ZNF737: variants seen among roughly 807,000 people sequenced by gnomAD.
ZNF737 encodes the protein zinc finger protein 737, also known as zinc finger protein 102 (Y3).
A neutral mutation model predicts 11.7 loss-of-function variants in ZNF737; 13 were observed. The ratio of observed to expected loss-of-function variants is 1.11; its 90% CI spans 0.73 to 1.77. The LOEUF is 1.77. Among genes scored for constraint, ZNF737 ranks in the 40% most tolerant of loss-of-function variants. The pLI is 0.00. For synonymous variants in ZNF737, 217 were observed against 216.2 expected (o/e 1.00, Z -0.03); for missense variants, 636 against 638.0 (o/e 1.00, Z 0.03).
At chr19:20,559,347 G>A (rs1357234307) in intron 1 of ZNF737, among the ~76,000 whole-genome samples, 2 of 151,968 alleles carry the variant, frequency 1.3e-5, no homozygotes, top group East Asian at 1.9e-4. Context: ...AAAACCAAAC[G>A]ACCTCATTAA....
Position 20,559,863 on chromosome 19 carries a change from C to G in ZNF737, c.3+5775G>C, listed in dbSNP as rs116122581. 8.4e-3 allele frequency among the ~76,000 whole-genome samples: 1,276 copies of G among 152,180 alleles called. 17 individuals carry two copies. The highest frequency in any genetic ancestry group is 0.029 in the African/African-American group (1,212 of 41,514). ...GCCCTAAATACCTATCAGTGGTAGA[C>G]TGGGTAAAGAAAATATGGTATGGTC... On this transcript the variant is annotated intron_variant, in intron 1 of 3. Transcript: ENST00000427401.
At chr19:20,531,055 G>A (rs1488979724), downstream of ZNF737, among the ~76,000 whole-genome samples, 983 of 146,582 alleles carry the variant, frequency 6.7e-3, 54 homozygotes, top group African/African-American at 0.024. Flanking sequence ...GCAAAACCCC[G>A]TCTCCACCAA....
chr19:20,530,288 T>C, the ZNF737 span, among the ~76,000 whole-genome samples: 84 of 108,840 alleles, frequency 7.7e-4, no homozygotes, highest in South Asian at 1.1e-3. Flanking sequence ...CCCTCCCGGA[T>C]GGGGCAGCTG....
downstream of ZNF737, chr19:20,535,892 G>T: frequency 5.8e-6 from 1 of 171,020 alleles, no homozygotes; most frequent in Non-Finnish European, 1.2e-5. Flanking sequence ...GAAGCAGATG[G>T]TACAATAATA....
In ZNF737 at chr19:20,548,893, A is replaced by T. The variant is rs551126829; in HGVS notation, c.227-2917T>A. Among the ~76,000 whole-genome samples the T allele has an allele frequency of 2.2e-4, 33 of 147,914 alleles. No homozygotes were observed. The South Asian group carries it at 6.7e-3, about 30-fold the overall frequency. The stretch of plus-strand genomic sequence containing the variant: ...CACCAAGCCTGGCCCTGAAATGCAC[A>T]CTTCAATAGATTTAAGGTGGTAAAT... On this transcript the variant is annotated intron_variant, in intron 3 of 3. Coordinates refer to ENST00000427401, the MANE Select transcript of ZNF737 (RefSeq NM_001159293.2).
Position 20,545,927 on chromosome 19 carries a change from T to G in ZNF737, c.276A>C (p.Lys92Asn), listed in dbSNP as rs188684323. ...TCAGTGTCACTTTTTGGAAAGAATCTTTTATGCTCTGCTCTGGCCAAAGAT... is the reference window on the plus strand; with the variant it reads ...TCAGTGTCACTTTTTGGAAAGAATCGTTTATGCTCTGCTCTGGCCAAAGAT... The part of the protein sequence containing the change: ...ARDLWPEQSI[K>N]DSFQKVTLRR... Residue 92 changes from lysine (K) to asparagine (N), a missense_variant, in exon 4 of 4, where the codon AAA (lysine) becomes AAC (asparagine). Lys to Asn is a moderately conservative substitution (Grantham distance 94). Transcript: ENST00000427401. 480 of 1,590,264 alleles carry G rather than the reference T, an allele frequency of 3.0e-4. 2 individuals carry two copies. The African/African-American group carries it at 5.9e-3, about 20-fold the overall frequency.
chr19:20,543,699 A>G lies in ZNF737; in HGVS notation c.*893T>C, dbSNP rs35269111. The stretch of plus-strand genomic sequence containing the variant: ...ATATAAAGGCTTTGTCACATTTTAT[A>G]TATTTCTAGGGTTTCACACTAGTAT... On this transcript the variant is annotated 3_prime_UTR_variant, in exon 4 of 4. Coordinates refer to ENST00000427401, the MANE Select transcript of ZNF737 (RefSeq NM_001159293.2). The G allele has an allele frequency of 1.5e-3, 1,474 of 985,344 alleles. 4 individuals are homozygous for G. Among genetic ancestry groups the G allele is most frequent in the Non-Finnish European group, 1.7e-3 (1,439 of 829,918 alleles). 61.0% of individuals were successfully genotyped at this position (985,344 alleles called of 1,614,324 possible). A position where few individuals can be genotyped will look rare whatever the true frequency, so the allele number is the denominator to read the frequency against.
chr19:20,547,712 TAAA>T (rs36126400), intron 3 of ZNF737, among the ~76,000 whole-genome samples: 1 of 151,850 alleles, frequency 6.6e-6, no homozygotes, highest in Non-Finnish European at 1.5e-5. Context: ...ATACAGAAAT[TAAA>T]AAAACACACA....
At chr19:20,560,598 T>A (rs1969055367) in intron 1 of ZNF737, among the ~76,000 whole-genome samples, 1 of 151,938 alleles carries the variant, frequency 6.6e-6, no homozygotes, top group African/African-American at 2.4e-5. Context: ...CTGCCCAACA[T>A]GGAGAAAAGC....
At chr19:20,546,069 A>C in intron 3 of ZNF737, 93 bp from the exon 4 acceptor site, 1 of 1,394,674 alleles carries the variant, frequency 7.2e-7, no homozygotes, top group Non-Finnish European at 9.5e-7. Flanking sequence ...CAAACTACAT[A>C]AGCAAGATGA....
downstream of ZNF737, among the ~76,000 whole-genome samples, chr19:20,531,225 G>A (rs1555752783): frequency 7.3e-6 from 1 of 136,862 alleles, no homozygotes; most frequent in Admixed American, 7.1e-5. Context: ...GTGGAAAGGG[G>A]AGGAGAGAGG....
At position 20,544,854 on chromosome 19, in the gene ZNF737, T is replaced by C; in HGVS notation, c.1349A>G (p.Glu450Gly). The C allele has an allele frequency of 6.2e-7, 1 of 1,613,864 alleles. No homozygotes were observed. Among genetic ancestry groups the C allele is most frequent in the Non-Finnish European group, 8.5e-7 (1 of 1,179,914 alleles). Residue 450 changes from glutamate to glycine, a missense_variant, in exon 4 of 4, where the codon GAG becomes GGG. Transcript: ENST00000427401. ...LTTHKRIHTG[E>G]KPYKCEECGK... is the part of the protein sequence containing the mutation. ...ACATTCTTCACATTTGTAGGGTTTC[T>C]CTCCAGTATGAATTCTCTTATGTGT...
rs1464957737 is a variant in ZNF737, at chr19:20,540,313, T to A, written c.*4279A>T. On this transcript the variant is annotated 3_prime_UTR_variant, in exon 4 of 4. Transcript: ENST00000427401. ...TCTCCATTTTGATAAACACAAAGTCTACGGATGAGTAACCTAATTTCATAA... is the reference window on the plus strand; with the variant it reads ...TCTCCATTTTGATAAACACAAAGTCAACGGATGAGTAACCTAATTTCATAA... 2.5e-5 allele frequency: 6 copies of A among 238,888 alleles called. No homozygotes were observed. The highest frequency in any genetic ancestry group is 4.1e-5 in the Non-Finnish European group (6 of 147,656). The allele number at this position is 238,888 out of a possible 1,614,324, so 14.8% of individuals were successfully genotyped here.
In ZNF737 at chr19:20,538,602, A is replaced by C. The variant is rs1349347167; in HGVS notation, c.*5990T>G. On this transcript the variant is annotated 3_prime_UTR_variant, in exon 4 of 4. Transcript: ENST00000427401. ...GCTAAGAAAAATTAAATTTATTTTC[A>C]AGTGCTATTTCTTTACAGCTCCAGA... 2.1e-6 allele frequency: 2 copies of C among 969,302 alleles called. No homozygotes were observed. Among genetic ancestry groups the C allele is most frequent in the Non-Finnish European group, 2.5e-6 (2 of 815,336 alleles). The allele number at this position is 969,302 out of a possible 1,614,324, so 60.0% of individuals were successfully genotyped here.
chr19:20,553,706 C>T lies in ZNF737; in HGVS notation c.130+3G>A. Reference sequence around the variant, plus strand: ...ATGAATTATGTATTAAAGTTTTTCTCACCAAGGAAGACCAGGTTTCTGTAG... The same window carrying T: ...ATGAATTATGTATTAAAGTTTTTCTTACCAAGGAAGACCAGGTTTCTGTAG... On this transcript the variant is annotated splice_donor_region_variant and intron_variant, in intron 2 of 3. Transcript: ENST00000427401. The T allele has an allele frequency of 1.9e-6, 3 of 1,613,258 alleles. No individual in the cohort carries two copies. The highest frequency in any genetic ancestry group is 2.5e-6 in the Non-Finnish European group (3 of 1,179,626).
chr19:20,535,046 G>T (rs535115294), downstream of ZNF737, among the ~76,000 whole-genome samples: 6 of 150,016 alleles, frequency 4.0e-5, 2 homozygotes, highest in African/African-American at 1.5e-4. Flanking sequence ...AATAAAGAAG[G>T]AAAGGAAGAA....
chr19:20,538,539 T>A lies in ZNF737; in HGVS notation c.*6053A>T. ...CTGTCTCCTCTGTTCAGTGTACTCG[T>A]GGCAAAACTGCTTTCTGCAAAAAGT... On this transcript the variant is annotated 3_prime_UTR_variant, in exon 4 of 4. Transcript: ENST00000427401. The A allele has an allele frequency of 1.9e-6, 1 of 537,770 alleles. No homozygotes were observed. Among genetic ancestry groups the A allele is most frequent in the African/African-American group, 2.1e-5 (1 of 48,648 alleles). 33.3% of individuals were successfully genotyped at this position (537,770 alleles called of 1,614,324 possible). A position where few individuals can be genotyped will look rare whatever the true frequency, so the allele number is the denominator to read the frequency against.
chr19:20,530,341 CAGCT>C, the ZNF737 span, among the ~76,000 whole-genome samples: 1 of 142,284 alleles, frequency 7.0e-6, no homozygotes, highest in African/African-American at 2.6e-5. Context: ...CCGGACGGGG[CAGCT>C]GGCCGGGCGG....
chr19:20,554,517 A>T (rs549935062), intron 1 of ZNF737, among the ~76,000 whole-genome samples: 2 of 152,234 alleles, frequency 1.3e-5, no homozygotes, highest in Non-Finnish European at 2.9e-5. Context: ...GAGAAAAATA[A>T]TCAGCTACAT....
Sources: gnomAD v4.1 joint callset for allele counts (sites outside exome capture counted in the v4.1 genomes callset) on GRCh38, gnomAD v4.1.1 for gene constraint, MANE v1.5 for transcripts, NCBI Gene and HGNC (gene_info 2026-07-23, HGNC 2026-07-21) for gene names.